The following CRLF2 variants were observed in gnomAD, a reference collection of about 807,000 sequenced individuals.
The protein encoded by CRLF2 is cytokine receptor like factor 2.
A neutral mutation model predicts 38.7 loss-of-function variants in CRLF2; 41 were observed. The observed-to-expected ratio is 1.06, with a 90% CI of 0.83 to 1.37. The LOEUF is 1.37. Ranked by LOEUF, CRLF2 falls within the 40% of genes most tolerant of loss-of-function variation. CRLF2 has a pLI of 0.00. For missense variants in CRLF2, 377 were observed against 322.2 expected, an observed-to-expected ratio of 1.17 and a Z score of -1.30; for synonymous variants, 140 against 128.8, an observed-to-expected ratio of 1.09 and a Z score of -0.59.
chrX:1,208,472 T>G (rs1460934072), intron 2 of CRLF2, among the ~76,000 whole-genome samples: 2 of 152,022 alleles, frequency 1.3e-5, no homozygotes, highest in Non-Finnish European at 2.9e-5. Flanking sequence ...GGCAGGGGAA[T>G]GGCTTGAACC....
intron 6 of CRLF2, among the ~76,000 whole-genome samples, chrX:1,195,550 A>G (rs1187217127): frequency 6.8e-6 from 1 of 147,932 alleles, no homozygotes. Context: ...TGGGACTACA[A>G]GTGCACGCTA....
At position 1,208,839 on chromosome X, in the gene CRLF2, T is replaced by A. The variant is rs1449220849; in HGVS notation, c.149A>T (p.Lys50Ile). The A allele has an allele frequency of 6.2e-7, 1 of 1,612,454 alleles. No homozygotes were observed. Among genetic ancestry groups the A allele is most frequent in the African/African-American group, 1.3e-5 (1 of 74,890 alleles). The change falls in exon 2 of 8, where the codon AAA becomes ATA. Residue 50 changes from lysine (K) to isoleucine (I), a missense_variant. Transcript: ENST00000400841. ...GAAAGTCAGGTTGGTCCTGGAGTAT[T>A]TGCTGGCATTCCATGTCACCTGCAC... is the stretch of plus-strand genomic sequence containing the variant. ...ETVQVTWNAS[K>I]YSRTNLTFHY...
chrX:1,192,948 G>C (rs1466165429), intron 7 of CRLF2, among the ~76,000 whole-genome samples: 2 of 151,188 alleles, frequency 1.3e-5, no homozygotes, highest in Non-Finnish European at 2.9e-5. Context: ...AGAGTCGCTG[G>C]GATTACAGGA....
At position 1,204,056 on chromosome X, in the gene CRLF2, C is replaced by G. The variant is rs779418068; in HGVS notation, c.350-1521G>C. Among the ~76,000 whole-genome samples the G allele has an allele frequency of 1.7e-4, 24 of 140,020 alleles. No homozygotes were observed. In the South Asian group the frequency reaches 5.0e-3, roughly 29 times the overall value. 91.9% of individuals were successfully genotyped at this position (140,020 alleles called of 152,430 possible). A position where few individuals can be genotyped will look rare whatever the true frequency, so the allele number is the denominator to read the frequency against. ...CCAGTTCTCAACGCACATAAGAAAA[C>G]CAGCCTGGGCAACAGAGCAAGACCC... On this transcript the variant is annotated intron_variant, in intron 3 of 7. Coordinates refer to ENST00000400841, the MANE Select transcript of CRLF2 (RefSeq NM_022148.4).
At chrX:1,196,982 C>A in intron 5 of CRLF2, 82 bp from the exon 6 acceptor site, 1 of 1,168,606 alleles carries the variant, frequency 8.6e-7, no homozygotes, top group South Asian at 2.1e-5. Context: ...ACATCTCATC[C>A]CTAACCAGTC....
rs1249593131 is a variant in CRLF2, at chrX:1,208,912, GAC to G, written c.80-6_80-5del. 1.3e-6 allele frequency: 2 copies of G among 1,483,966 alleles called. No homozygotes were observed. The highest frequency in any genetic ancestry group is 2.3e-5 in the East Asian group (1 of 44,224). The allele number at this position is 1,483,966 out of a possible 1,614,324, so 91.9% of individuals were successfully genotyped here. The stretch of plus-strand genomic sequence containing the variant: ...ATCTGAATCTGTACTCCTTCTGCTA[GAC>G]ACAGAGAGACGCATGAAGTTCACGG... On this transcript the variant is annotated splice_polypyrimidine_tract_variant and splice_region_variant and intron_variant, in intron 1 of 7. Coordinates refer to ENST00000400841, the MANE Select transcript of CRLF2 (RefSeq NM_022148.4).
At chrX:1,210,924 AATGGGTGG>A (rs1200818457) in intron 1 of CRLF2, among the ~76,000 whole-genome samples, 2 of 150,254 alleles carry the variant, frequency 1.3e-5, no homozygotes, top group Admixed American at 6.6e-5. Flanking sequence ...TACACAGGTG[AATGGGTGG>A]ATGGGTGGAT....
At chrX:1,196,962 A>G (rs2086490548) in intron 5 of CRLF2, 62 bp from the exon 6 acceptor site, 21 of 1,496,318 alleles carry the variant, frequency 1.4e-5, no homozygotes, top group Non-Finnish European at 1.8e-5. Context: ...TACGTTTTCA[A>G]CGTGATGTTA....
At chrX:1,197,540 G>A (rs1410207306) in intron 5 of CRLF2, among the ~76,000 whole-genome samples, 1 of 152,088 alleles carries the variant, frequency 6.6e-6, no homozygotes, top group Non-Finnish European at 1.5e-5. Context: ...CAAAGGCCGG[G>A]CGCGGTGGCT....
At position 1,192,049 on chromosome X, in the gene CRLF2, CA is replaced by C. The variant is rs1319837729; in HGVS notation, c.853-890del. ...TGAAACCCCATCTCTACGAAAAATA[CA>C]AAAAATCAGCCGGGTGTGGTGGCGG... On this transcript the variant is annotated intron_variant, in intron 7 of 7. Transcript: ENST00000400841. Among the ~76,000 whole-genome samples the C allele has an allele frequency of 2.0e-5, 3 of 146,792 alleles. No homozygotes were observed. The South Asian group carries it at 7.0e-4, about 34-fold the overall frequency.
At chrX:1,211,184 G>C (rs1439605131) in intron 1 of CRLF2, among the ~76,000 whole-genome samples, 1 of 151,112 alleles carries the variant, frequency 6.6e-6, no homozygotes, top group Non-Finnish European at 1.5e-5. Flanking sequence ...TGGATGGATG[G>C]ATGGATGGAT....
chrX:1,194,649 T>C (rs1483261419), intron 6 of CRLF2, among the ~76,000 whole-genome samples: 1 of 152,124 alleles, frequency 6.6e-6, no homozygotes, highest in Non-Finnish European at 1.5e-5. Flanking sequence ...GAGACTATAT[T>C]TGGAGATGGG....
intron 3 of CRLF2, among the ~76,000 whole-genome samples, chrX:1,205,353 C>T (rs1417188142): frequency 1.3e-5 from 2 of 152,204 alleles, no homozygotes; most frequent in African/African-American, 2.4e-5. Flanking sequence ...TGAAGGGGTA[C>T]TGAAAAGTGT....
chrX:1,192,181 G>C (rs1172988170), intron 7 of CRLF2, among the ~76,000 whole-genome samples: 1 of 136,434 alleles, frequency 7.3e-6, no homozygotes, highest in Non-Finnish European at 1.5e-5. Flanking sequence ...CTCCAGCCTG[G>C]GCGACAGAGC....
At chrX:1,194,351 G>A (rs1411356625) in intron 6 of CRLF2, among the ~76,000 whole-genome samples, 106,739 of 151,018 alleles carry the variant, frequency 0.71, 37,864 homozygotes, top group East Asian at 0.83. Flanking sequence ...AGTCCCAGCT[G>A]CTTGGGAGGC....
chrX:1,199,456 A>G (rs1267323365), intron 4 of CRLF2, among the ~76,000 whole-genome samples: 1 of 151,932 alleles, frequency 6.6e-6, no homozygotes, highest in Admixed American at 6.6e-5. Flanking sequence ...AGGCACCACC[A>G]TGCTTGGCTA....
At chrX:1,193,500 G>A (rs1398205529) in intron 6 of CRLF2, among the ~76,000 whole-genome samples, 198 bp from the exon 7 acceptor site, 18 of 152,016 alleles carry the variant, frequency 1.2e-4, no homozygotes, top group African/African-American at 3.4e-4. Context: ...TCAGGAGGCC[G>A]GGAGTGGTGG....
chrX:1,212,320 C>T (rs1403241613), intron 1 of CRLF2, among the ~76,000 whole-genome samples: 11 of 149,132 alleles, frequency 7.4e-5, no homozygotes, highest in East Asian at 3.9e-4. Context: ...GTGGATATTC[C>T]GGGAGCAATA....
chrX:1,201,039 C>T (rs1267216727), intron 4 of CRLF2, among the ~76,000 whole-genome samples: 1 of 152,082 alleles, frequency 6.6e-6, no homozygotes, highest in African/African-American at 2.4e-5. Context: ...GTAAATTGCT[C>T]TTCAGCTACA....
Sources: gnomAD v4.1 joint callset for allele counts (sites outside exome capture counted in the v4.1 genomes callset) on GRCh38, gnomAD v4.1.1 for gene constraint, MANE v1.5 for transcripts, NCBI Gene and HGNC (gene_info 2026-07-23, HGNC 2026-07-21) for gene names.